LARP6: variants seen among roughly 807,000 people sequenced by gnomAD.
LARP6 encodes la-related protein 6.
In LARP6, 18 loss-of-function variants were observed where a neutral mutation model predicts 32.8. That is an observed-to-expected ratio of 0.55 (90% CI 0.38 to 0.81). The LOEUF is 0.81. LARP6 is among the 40% of genes least tolerant of loss of function. LARP6 has a pLI of 0.00. For missense variants in LARP6, 598 were observed against 663.1 expected (o/e 0.90, Z 1.08); for synonymous variants, 289 against 267.2 (o/e 1.08, Z -0.80).
Position 70,831,968 on chromosome 15 carries a change from T to C in LARP6, c.*84A>G. 1 of 932,444 alleles carries C rather than the reference T, an allele frequency of 1.1e-6. No homozygotes were observed. Among genetic ancestry groups the C allele is most frequent in the Non-Finnish European group, 1.6e-6 (1 of 634,250 alleles). The allele number at this position is 932,444 out of a possible 1,614,324, so 57.8% of individuals were successfully genotyped here. ...AAAAATCTCTCAAAGGGGAACGAAT[T>C]CCATTCTGTCATGCCAGGTGTTTGT... On this transcript the variant is annotated 3_prime_UTR_variant, in exon 3 of 3. Transcript: ENST00000299213.
At position 70,832,355 on chromosome 15, in the gene LARP6, G is replaced by A. The variant is rs1412893587; in HGVS notation, c.1173C>T (p.Gly391=). ...CCGCCAGTGGGGACTTTCTGGAAAC[G>A]CCTTTGCGTTGGGCCAAGGGGCTGC... ...PWSSPLAQRK[G]VSRKSPLAEE... is the part of the protein sequence containing the mutation. Residue 391 remains glycine (G), a synonymous_variant, in exon 3 of 3, where the codon GGC becomes GGT. Transcript: ENST00000299213. 4.3e-6 allele frequency: 7 copies of A among 1,614,036 alleles called. No homozygotes were observed. The highest frequency in any genetic ancestry group is 2.2e-5 in the South Asian group (2 of 91,084).
At chr15:70,848,383 G>C (rs1567023433) in intron 1 of LARP6, among the ~76,000 whole-genome samples, 1 of 152,174 alleles carries the variant, frequency 6.6e-6, no homozygotes, top group Admixed American at 6.5e-5. Flanking sequence ...GTTTGGAGTA[G>C]AGACTACGTA....
chr15:70,851,590 A>T (rs1233262960), intron 1 of LARP6: 2 of 1,593,524 alleles, frequency 1.3e-6, no homozygotes, highest in South Asian at 1.1e-5. Flanking sequence ...TCTCAACACC[A>T]TTGAGTGAGT....
rs2032268853 is a variant in LARP6, at chr15:70,842,084, G to T, written c.201-5579C>A. The stretch of plus-strand genomic sequence containing the variant: ...TTTTGAGACTGGATCTTGCTCTGTT[G>T]CCTCAAGTTGGAATGCAGTGGCATG... On this transcript the variant is annotated intron_variant, in intron 1 of 2. Transcript: ENST00000299213. 2.0e-5 allele frequency among the ~76,000 whole-genome samples: 3 copies of T among 151,684 alleles called. No individual in the cohort carries two copies. In the South Asian group the frequency reaches 6.3e-4, roughly 32 times the overall value.
chr15:70,840,493 T>C (rs1189387405), intron 1 of LARP6, among the ~76,000 whole-genome samples: 1 of 152,124 alleles, frequency 6.6e-6, no homozygotes, highest in Non-Finnish European at 1.5e-5. Context: ...TGAGCCGGGA[T>C]CGCGCCACTG....
intron 1 of LARP6, among the ~76,000 whole-genome samples, chr15:70,844,277 T>C (rs1486741653): frequency 6.6e-6 from 1 of 152,190 alleles, no homozygotes; most frequent in African/African-American, 2.4e-5. Context: ...TTTAAAATAA[T>C]ATACTTTAAG....
chr15:70,832,200 G>C lies in LARP6; in HGVS notation c.1328C>G (p.Thr443Ser), dbSNP rs1316495553. Residue 443 changes from threonine (T) to serine (S), a missense_variant, in exon 3 of 3, where the codon ACC (threonine) becomes AGC (serine). Physicochemically the swap from Thr to Ser is moderately conservative, Grantham distance 58 (BLOSUM62 1). Transcript: ENST00000299213. ...VRRRRQAEMG[T>S]QEKSPGTSPL... The stretch of plus-strand genomic sequence containing the variant: ...ACTCGTACCGGGGCTTTTCTCCTGG[G>C]TCCCCATCTCGGCTTGGCGACGCCT... The C allele has an allele frequency of 6.2e-7, 1 of 1,613,988 alleles. No individual in the cohort carries two copies. Among genetic ancestry groups the C allele is most frequent in the Non-Finnish European group, 8.5e-7 (1 of 1,179,984 alleles).
At chr15:70,852,144 C>A (rs2032480778) in intron 1 of LARP6, 1 of 354,972 alleles carries the variant, frequency 2.8e-6, no homozygotes, top group East Asian at 7.6e-5. Context: ...AGCCTGGGTC[C>A]AAACAGGGGA....
At position 70,847,172 on chromosome 15, in the gene LARP6, T is replaced by C. The variant is rs933718148; in HGVS notation, c.200+6717A>G. ...TTGAGGGAGGAAGTATGGTTTCTGA[T>C]GAATATGCTCTTAGTGGCCTTTCAA... On this transcript the variant is annotated intron_variant, in intron 1 of 2. Coordinates refer to ENST00000299213, the MANE Select transcript of LARP6 (RefSeq NM_018357.4). Among the ~76,000 whole-genome samples, 3 of 152,196 alleles carry C rather than the reference T, an allele frequency of 2.0e-5. No individual in the cohort carries two copies. In the East Asian group the frequency reaches 5.8e-4, roughly 29 times the overall value.
Position 70,832,808 on chromosome 15 carries a change from G to C in LARP6, c.720C>G (p.Pro240=), listed in dbSNP as rs1858956286. ...GGCTGCTGATCCTCCGGATGTCAGG[G>C]GGCAGCTCTCTCCCAGGTTTGAGGA... ...VRILKPGREL[P]PDIRRISSRY... Residue 240 remains proline, a synonymous_variant, in exon 3 of 3, where the codon CCC becomes CCG. Coordinates refer to ENST00000299213, the MANE Select transcript of LARP6 (RefSeq NM_018357.4). 4 of 1,612,540 alleles carry C rather than the reference G, an allele frequency of 2.5e-6. No individual in the cohort carries two copies. Among genetic ancestry groups the C allele is most frequent in the Non-Finnish European group, 3.4e-6 (4 of 1,179,486 alleles).
chr15:70,836,559 C>A (rs1356436056), intron 1 of LARP6, 54 bp from the exon 2 acceptor site: 2 of 1,469,968 alleles, frequency 1.4e-6, no homozygotes, highest in Non-Finnish European at 1.9e-6. Flanking sequence ...CTGTGTCCCC[C>A]AAAAATTCAT....
chr15:70,833,663 CAT>C (rs1328911761), intron 2 of LARP6, among the ~76,000 whole-genome samples: 1 of 152,234 alleles, frequency 6.6e-6, no homozygotes, highest in Non-Finnish European at 1.5e-5. Flanking sequence ...ACTAAGTAAT[CAT>C]GTGCTATCAT....
chr15:70,835,096 C>T (rs926295532), intron 2 of LARP6, among the ~76,000 whole-genome samples: 4 of 152,166 alleles, frequency 2.6e-5, no homozygotes, highest in South Asian at 2.1e-4. Context: ...TTTTGGGATC[C>T]CCCACAAACA....
In LARP6 at chr15:70,832,557, ACT is replaced by A. The variant is rs748562649; in HGVS notation, c.969_970del (p.Arg323SerfsTer9). 27 of 1,562,894 alleles carry A rather than the reference ACT, an allele frequency of 1.7e-5. No homozygotes were observed. The highest frequency in any genetic ancestry group is 2.2e-5 in the Non-Finnish European group (26 of 1,160,212). On this transcript the variant is annotated frameshift_variant, in exon 3 of 3. Coordinates refer to ENST00000299213, the MANE Select transcript of LARP6 (RefSeq NM_018357.4). LOFTEE classifies it high-confidence loss of function. ...ATCACCCATGTACTGAAGCTCCTCG[ACT>A]CTCTTGTTCAGGGACTTGTTCAGGT...
chr15:70,832,847 G>C lies in LARP6; in HGVS notation c.681C>G (p.Ile227Met), dbSNP rs769460334. The change falls in exon 3 of 3, where the codon ATC (isoleucine) becomes ATG (methionine). Residue 227 changes from isoleucine to methionine, a missense_variant. Around this residue, in one of 3 missense-constraint regions of LARP6, gnomAD observed 368 missense variants for 397.9 expected, o/e 0.92. Coordinates refer to ENST00000299213, the MANE Select transcript of LARP6 (RefSeq NM_018357.4). ...LLKLFGTFGVISSVRILKPGR... is the reference protein window; with the variant it reads ...LLKLFGTFGVMSSVRILKPGR... ...CAGGTTTGAGGATCCGCACTGATGA[G>C]ATGACTCCAAAAGTCCCAAAAAGCT... 1 of 1,612,888 alleles carries C rather than the reference G, an allele frequency of 6.2e-7. No individual in the cohort carries two copies. The highest frequency in any genetic ancestry group is 8.5e-7 in the Non-Finnish European group (1 of 1,179,620).
intron 1 of LARP6, chr15:70,853,335 G>C (rs1162960560): frequency 2.6e-5 from 4 of 151,666 alleles, no homozygotes; most frequent in Non-Finnish European, 5.9e-5. Flanking sequence ...TCCTCTATCC[G>C]TCTCAAATTA....
rs1403731513 is a variant in LARP6, at chr15:70,854,069, TC to T, written c.19del (p.Glu7ArgfsTer86). 1 of 1,371,854 alleles carries T rather than the reference TC, an allele frequency of 7.3e-7. No homozygotes were observed. The allele number at this position is 1,371,854 out of a possible 1,614,324, so 85.0% of individuals were successfully genotyped here. On this transcript the variant is annotated frameshift_variant, in exon 1 of 3. Coordinates refer to ENST00000299213, the MANE Select transcript of LARP6 (RefSeq NM_018357.4). LOFTEE classifies it high-confidence loss of function. Reference protein sequence around the residue: MAQSGGEARPGPKTAVQ... With the variant: MAQSGGXARPGPKTAVQ... ...CGCCGTCTTGGGCCCGGGCCGAGCCTCCCCGCCGGACTGGGCCATGGCTCGC... is the reference window on the plus strand; with the variant it reads ...CGCCGTCTTGGGCCCGGGCCGAGCCTCCCGCCGGACTGGGCCATGGCTCGC...
At chr15:70,838,913 A>AC (rs759449546) in intron 1 of LARP6, among the ~76,000 whole-genome samples, 531 of 48,872 alleles carry the variant, frequency 0.011, 4 homozygotes, top group Middle Eastern at 0.11. Flanking sequence ...TCAGCCTCAC[A>AC]AAAAAAAAAA....
At chr15:70,846,565 C>T (rs954725674) in intron 1 of LARP6, among the ~76,000 whole-genome samples, 6 of 151,912 alleles carry the variant, frequency 3.9e-5, no homozygotes, top group Non-Finnish European at 5.9e-5. Context: ...GCCATGACTG[C>T]GCCACTGCAC....
Sources: allele counts gnomAD v4.1 joint callset (sites outside exome capture counted in the v4.1 genomes callset), GRCh38; gene constraint gnomAD v4.1.1; regional missense constraint gnomAD v4.1.1; transcripts MANE v1.5; gene names NCBI Gene and HGNC (gene_info 2026-07-23, HGNC 2026-07-21).